The following EDIL3 variants were observed in gnomAD, a reference collection of about 807,000 sequenced individuals.
EDIL3 encodes EGF-like repeat and discoidin I-like domain-containing protein 3.
In EDIL3, 37 loss-of-function variants were observed where a neutral mutation model predicts 67.4. The ratio of observed to expected loss-of-function variants is 0.55; its 90% confidence interval spans 0.42 to 0.72. The LOEUF (loss-of-function observed/expected upper bound fraction) is 0.72, where lower values mean the gene tolerates loss of function less well. Ranked by LOEUF, EDIL3 falls within the 30% of genes least tolerant of loss-of-function variation. The pLI, the probability that EDIL3 is intolerant of heterozygous loss-of-function variation, is 0.00. For synonymous variants in EDIL3, 195 were observed against 196.3 expected, an observed-to-expected ratio of 0.99 and a Z score of 0.05; for missense variants, 527 against 586.3, an observed-to-expected ratio of 0.90 and a Z score of 1.04.
chr5:84,040,368 A>C (rs1346938133), intron 9 of EDIL3, among the ~76,000 whole-genome samples: 1 of 152,110 alleles, frequency 6.6e-6, no homozygotes, highest in Non-Finnish European at 1.5e-5. Flanking sequence ...TTCTCTCTTC[A>C]AATGGTACTT....
intron 6 of EDIL3, among the ~76,000 whole-genome samples, chr5:84,096,006 T>A (rs1561430034): frequency 6.6e-6 from 1 of 152,136 alleles, no homozygotes; most frequent in Admixed American, 6.6e-5. Flanking sequence ...CGGATTTTTT[T>A]ATGAAGTCAA....
intron 3 of EDIL3, among the ~76,000 whole-genome samples, chr5:84,213,138 A>T (rs2112391469): frequency 6.6e-6 from 1 of 152,252 alleles, no homozygotes; most frequent in Admixed American, 6.5e-5. Flanking sequence ...ACAGAATATC[A>T]GACTGGTGAT....
At chr5:84,148,145 C>T in intron 4 of EDIL3, among the ~76,000 whole-genome samples, 1 of 152,090 alleles carries the variant, frequency 6.6e-6, no homozygotes, top group East Asian at 1.9e-4. Flanking sequence ...GCAAATATAA[C>T]TGTCCTTATT....
intron 1 of EDIL3, among the ~76,000 whole-genome samples, chr5:84,341,767 G>A (rs1290070879): frequency 6.6e-6 from 1 of 151,912 alleles, no homozygotes; most frequent in Non-Finnish European, 1.5e-5. Context: ...AATGTCCCTT[G>A]TGCCACTGGT....
At chr5:84,034,593 G>A (rs977290777) in intron 9 of EDIL3, among the ~76,000 whole-genome samples, 1 of 152,048 alleles carries the variant, frequency 6.6e-6, no homozygotes, top group African/African-American at 2.4e-5. Context: ...ATCCAAGTGG[G>A]GAAAAAGACA....
At chr5:84,322,073 A>G (rs994871098) in intron 1 of EDIL3, among the ~76,000 whole-genome samples, 4 of 151,456 alleles carry the variant, frequency 2.6e-5, no homozygotes, top group African/African-American at 9.7e-5. Context: ...ATATAATAAT[A>G]ATAATAATAA....
intron 1 of EDIL3, among the ~76,000 whole-genome samples, chr5:84,352,222 AT>A (rs1432575833): frequency 1.3e-5 from 2 of 152,180 alleles, no homozygotes; most frequent in Non-Finnish European, 2.9e-5. Context: ...GGAAGACACT[AT>A]GGAGATTTCT....
intron 1 of EDIL3, among the ~76,000 whole-genome samples, chr5:84,266,544 T>C (rs1308982317): frequency 6.6e-6 from 1 of 152,214 alleles, no homozygotes; most frequent in Non-Finnish European, 1.5e-5. Flanking sequence ...TCAAGTTATA[T>C]AAAACCTTGG....
intron 9 of EDIL3, among the ~76,000 whole-genome samples, chr5:84,031,222 T>C (rs1202016593): frequency 6.6e-6 from 1 of 152,174 alleles, no homozygotes; most frequent in Non-Finnish European, 1.5e-5. Context: ...GACTTAAATA[T>C]ATAAATTTTG....
At chr5:84,013,051 A>G (rs1002028152) in intron 9 of EDIL3, among the ~76,000 whole-genome samples, 1 of 152,126 alleles carries the variant, frequency 6.6e-6, no homozygotes, top group Non-Finnish European at 1.5e-5. Flanking sequence ...GTTTTGTTTC[A>G]GACATATAAT....
Position 84,171,744 on chromosome 5 carries a change from C to T in EDIL3, c.355+8649G>A, listed in dbSNP as rs187461222. On this transcript the variant is annotated intron_variant, in intron 4 of 10. Transcript: ENST00000296591. ...GCATTATAACCCTTCACATATGGTT[C>T]TAGAACACTGATTTTCAGTCTTAGT... Among the ~76,000 whole-genome samples the T allele has an allele frequency of 4.2e-3, 646 of 152,252 alleles. 3 individuals carry two copies. The highest frequency in any genetic ancestry group is 6.9e-3 in the Non-Finnish European group (467 of 68,026).
intron 1 of EDIL3, among the ~76,000 whole-genome samples, chr5:84,273,780 C>T (rs1054725962): frequency 6.6e-6 from 1 of 152,198 alleles, no homozygotes. Flanking sequence ...GTCTACTTCT[C>T]ATGGTGCTGG....
At chr5:84,255,303 A>G (rs1745104945) in intron 1 of EDIL3, among the ~76,000 whole-genome samples, 1 of 152,208 alleles carries the variant, frequency 6.6e-6, no homozygotes, top group African/African-American at 2.4e-5. Flanking sequence ...AAAACATTTC[A>G]AATAATTCAG....
At chr5:84,265,118 T>C (rs1242416637) in intron 1 of EDIL3, among the ~76,000 whole-genome samples, 1 of 152,188 alleles carries the variant, frequency 6.6e-6, no homozygotes, top group Non-Finnish European at 1.5e-5. Flanking sequence ...CAGAAAGGTA[T>C]GTAATGTTAA....
chr5:84,018,261 C>T (rs1383370549), intron 9 of EDIL3, among the ~76,000 whole-genome samples: 1 of 152,154 alleles, frequency 6.6e-6, no homozygotes, highest in Non-Finnish European at 1.5e-5. Flanking sequence ...ACATCTGATA[C>T]TTCTCTGCAA....
chr5:84,206,042 G>A (rs1743971119), intron 3 of EDIL3, among the ~76,000 whole-genome samples: 2 of 151,216 alleles, frequency 1.3e-5, no homozygotes, highest in African/African-American at 2.4e-5. Context: ...TTTCTCTTGT[G>A]GGCATTTAGT....
intron 2 of EDIL3, among the ~76,000 whole-genome samples, chr5:84,236,558 T>C (rs542784802): frequency 6.6e-6 from 1 of 152,202 alleles, no homozygotes; most frequent in East Asian, 1.9e-4. Flanking sequence ...TATTCCCTTC[T>C]AACCCCACTA....
In EDIL3 at chr5:84,132,491, T is replaced by TTTTAA. The variant is rs1561440783; in HGVS notation, c.469+4749_469+4750insTTAAA. On this transcript the variant is annotated intron_variant, in intron 5 of 10. Coordinates refer to ENST00000296591, the MANE Select transcript of EDIL3 (RefSeq NM_005711.5). Reference sequence around the variant, plus strand: ...TATATAATATATATTTTAATATATATTATATATTTTATATATAATATATAT... The same window carrying TTTTAA: ...TATATAATATATATTTTAATATATATTTTAATATATATTTTATATATAATATATAT... 4.7e-4 allele frequency among the ~76,000 whole-genome samples: 53 copies of TTTTAA among 111,934 alleles called. 2 individuals carry two copies. In the East Asian group the frequency reaches 0.011, roughly 23 times the overall value. The allele number at this position is 111,934 out of a possible 152,430, so 73.4% of individuals were successfully genotyped here. A position where few individuals can be genotyped will look rare whatever the true frequency, so the allele number is the denominator to read the frequency against.
chr5:84,041,856 C>T (rs1465317866), intron 9 of EDIL3, among the ~76,000 whole-genome samples: 1 of 151,902 alleles, frequency 6.6e-6, no homozygotes, highest in Non-Finnish European at 1.5e-5. Flanking sequence ...AATCCTACAG[C>T]TTTGGGGATT....
Sources: allele counts gnomAD v4.1 joint callset (sites outside exome capture counted in the v4.1 genomes callset), GRCh38; gene constraint gnomAD v4.1.1; transcripts MANE v1.5; gene names NCBI Gene and HGNC (gene_info 2026-07-23, HGNC 2026-07-21).